Variants in SPATS2 observed in about 807,000 individuals in gnomAD.
SPATS2 encodes spermatogenesis associated serine rich 2.
Under a neutral mutation model 63.7 loss-of-function variants are expected in SPATS2, and 38 were observed. The observed-to-expected ratio is 0.60, with a 90% CI of 0.46 to 0.78. The LOEUF is 0.78. SPATS2 is among the 30% of genes least tolerant of loss of function. The pLI is 0.00. For synonymous variants in SPATS2, 207 were observed against 232.9 expected (o/e 0.89, Z 1.01); for missense variants, 588 against 666.2 (o/e 0.88, Z 1.29).
chr12:49,402,343 T>A (rs1006666730), intron 2 of SPATS2, among the ~76,000 whole-genome samples: 1 of 152,018 alleles, frequency 6.6e-6, no homozygotes, highest in Non-Finnish European at 1.5e-5. Flanking sequence ...AAAATGAGGA[T>A]GTAAGAGGGG....
chr12:49,435,597 A>G (rs1050015211), intron 2 of SPATS2, among the ~76,000 whole-genome samples: 24 of 145,534 alleles, frequency 1.6e-4, no homozygotes, highest in African/African-American at 5.7e-4. Context: ...AAGTGCTAGG[A>G]TAACAGGTGT....
At chr12:49,490,854 A>G (rs939115188) in intron 6 of SPATS2, 123 bp downstream of exon 6, 1 of 930,586 alleles carries the variant, frequency 1.1e-6, no homozygotes, top group Non-Finnish European at 1.6e-6. Context: ...GTTAAAAAAC[A>G]TCTTTGGCCA....
intron 3 of SPATS2, among the ~76,000 whole-genome samples, chr12:49,461,855 A>C (rs939099916): frequency 6.6e-5 from 10 of 152,220 alleles, no homozygotes; most frequent in African/African-American, 2.4e-4. Context: ...TAGTAAATCT[A>C]TAGGAAGAAT....
intron 3 of SPATS2, among the ~76,000 whole-genome samples, chr12:49,466,104 G>C (rs1450546978): frequency 6.6e-6 from 1 of 151,076 alleles, no homozygotes; most frequent in African/African-American, 2.4e-5. Context: ...TTTCCCAGAA[G>C]TTTTATAGTT....
intron 3 of SPATS2, among the ~76,000 whole-genome samples, chr12:49,461,662 C>T (rs1393905781): frequency 6.6e-6 from 1 of 152,132 alleles, no homozygotes; most frequent in East Asian, 1.9e-4. Flanking sequence ...GGCGTTTTCC[C>T]CTCATTCAAT....
intron 3 of SPATS2, among the ~76,000 whole-genome samples, chr12:49,480,578 A>G (rs1946189662): frequency 6.6e-6 from 1 of 152,194 alleles, no homozygotes; most frequent in Admixed American, 6.5e-5. Context: ...CGCCTACAGC[A>G]GTACATGGAT....
intron 2 of SPATS2, among the ~76,000 whole-genome samples, chr12:49,435,648 T>TTC (rs969787060): frequency 8.0e-5 from 8 of 99,654 alleles, no homozygotes; most frequent in Non-Finnish European, 1.4e-4. Flanking sequence ...CTTTTTTTTT[T>TTC]TTTTTTTTTT....
chr12:49,408,339 G>A (rs1355500756), intron 2 of SPATS2, among the ~76,000 whole-genome samples: 5 of 148,838 alleles, frequency 3.4e-5, no homozygotes, highest in Admixed American at 6.8e-5. Flanking sequence ...TGCAACCTCC[G>A]TCTCCTGGGC....
chr12:49,471,508 T>A (rs183950037), intron 3 of SPATS2, among the ~76,000 whole-genome samples: 3 of 152,226 alleles, frequency 2.0e-5, no homozygotes, highest in African/African-American at 7.2e-5. Context: ...TTTTAAAAAA[T>A]TTTTATAGAG....
intron 2 of SPATS2, among the ~76,000 whole-genome samples, chr12:49,377,134 TAATGCTTTAA>T (rs1362001573): frequency 6.6e-6 from 1 of 152,214 alleles, no homozygotes; most frequent in Non-Finnish European, 1.5e-5. Flanking sequence ...CTTAAGTTGA[TAATGCTTTAA>T]ACAAAGCTTA....
At chr12:49,450,672 T>TACTC (rs1426127340) in intron 2 of SPATS2, among the ~76,000 whole-genome samples, 1 of 152,060 alleles carries the variant, frequency 6.6e-6, no homozygotes, top group African/African-American at 2.4e-5. Flanking sequence ...GCCTCCTGAG[T>TACTC]AGCTGGCATT....
chr12:49,421,416 CAAAAAAA>C (rs71080195), intron 2 of SPATS2, among the ~76,000 whole-genome samples: 1 of 52,108 alleles, frequency 1.9e-5, no homozygotes, highest in African/African-American at 8.4e-5. Flanking sequence ...GACTTTGTCT[CAAAAAAA>C]AAAAAAAAAA....
chr12:49,516,237 G>A (rs1946849248), intron 10 of SPATS2, among the ~76,000 whole-genome samples: 1 of 124,924 alleles, frequency 8.0e-6, no homozygotes, highest in African/African-American at 2.9e-5. Flanking sequence ...TGTGCTACAT[G>A]TAGTCCTAGT....
At chr12:49,478,455 A>G (rs1310190390) in intron 3 of SPATS2, among the ~76,000 whole-genome samples, 1 of 152,218 alleles carries the variant, frequency 6.6e-6, no homozygotes, top group Non-Finnish European at 1.5e-5. Flanking sequence ...CATGTGGATT[A>G]TTCTCAAAGT....
At chr12:49,414,289 A>G (rs1319662270) in intron 2 of SPATS2, among the ~76,000 whole-genome samples, 1 of 152,172 alleles carries the variant, frequency 6.6e-6, no homozygotes, top group East Asian at 1.9e-4. Context: ...TAGGTTTCCT[A>G]TATGGCTTTT....
intron 3 of SPATS2, among the ~76,000 whole-genome samples, chr12:49,475,038 T>C (rs1373729186): frequency 6.6e-6 from 1 of 152,166 alleles, no homozygotes; most frequent in Non-Finnish European, 1.5e-5. Flanking sequence ...CCTGCACCCA[T>C]GATTCAGTCA....
chr12:49,487,343 T>C (rs546634196), intron 4 of SPATS2, among the ~76,000 whole-genome samples: 30 of 152,134 alleles, frequency 2.0e-4, no homozygotes, highest in African/African-American at 7.2e-4. Flanking sequence ...ATACAAAAAT[T>C]AGCCAGGCAT....
chr12:49,519,697 C>T (rs1431120213), intron 11 of SPATS2, among the ~76,000 whole-genome samples: 1 of 152,100 alleles, frequency 6.6e-6, no homozygotes, highest in Non-Finnish European at 1.5e-5. Flanking sequence ...CAGTTCATAC[C>T]ATCCCCCCGG....
At chr12:49,384,086 T>C (rs890669307) in intron 2 of SPATS2, among the ~76,000 whole-genome samples, 1 of 152,230 alleles carries the variant, frequency 6.6e-6, no homozygotes, top group African/African-American at 2.4e-5. Context: ...TTAACACTGG[T>C]ACACTATTAT....
Sources: gnomAD v4.1 joint callset for allele counts (sites outside exome capture counted in the v4.1 genomes callset) on GRCh38, gnomAD v4.1.1 for gene constraint, MANE v1.5 for transcripts, NCBI Gene and HGNC (gene_info 2026-07-23, HGNC 2026-07-21) for gene names.